LIG1: variants seen among roughly 807,000 people sequenced by gnomAD.
LIG1 encodes DNA ligase 1, also known as ligase I, DNA, ATP-dependent.
A neutral mutation model predicts 115.7 loss-of-function variants in LIG1; 70 were observed. That is an observed-to-expected ratio of 0.60 (90% CI 0.50 to 0.74). The LOEUF (loss-of-function observed/expected upper bound fraction) is 0.74, where lower values mean the gene tolerates loss of function less well. LIG1 is among the 30% of genes least tolerant of loss of function. LIG1 has a pLI of 0.00. For synonymous variants in LIG1, 487 were observed against 495.3 expected, an observed-to-expected ratio of 0.98 and a Z score of 0.22; for missense variants, 1,115 against 1,225.6, an observed-to-expected ratio of 0.91 and a Z score of 1.35.
intron 19 of LIG1, among the ~76,000 whole-genome samples, chr19:48,128,243 G>A (rs1473929602): frequency 6.6e-6 from 1 of 151,944 alleles, no homozygotes; most frequent in African/African-American, 2.4e-5. Context: ...AAACCTAGGA[G>A]CTCTTGTCAT....
intron 20 of LIG1, 87 bp from the exon 21 acceptor site, chr19:48,127,435 T>A: frequency 8.4e-7 from 1 of 1,188,486 alleles, no homozygotes; most frequent in Non-Finnish European, 1.2e-6. Context: ...TCTACCGGTC[T>A]CCCTCTCGCC....
At chr19:48,142,442 C>CCAAAAAAAAAAAAAAAAA (rs2034824624) in intron 11 of LIG1, among the ~76,000 whole-genome samples, 1 of 75,604 alleles carries the variant, frequency 1.3e-5, no homozygotes, top group African/African-American at 4.9e-5. Context: ...GACTCCATCT[C>CCAAAAAAAAAAAAAAAAA]AAAAAAAAAA....
At chr19:48,121,905 T>G (rs2033309714) in intron 23 of LIG1, among the ~76,000 whole-genome samples, 1 of 152,210 alleles carries the variant, frequency 6.6e-6, no homozygotes, top group South Asian at 2.1e-4. Context: ...GACAGAGACG[T>G]GGCCAACTCA....
intron 17 of LIG1, 198 bp from the exon 18 acceptor site, chr19:48,133,295 G>T (rs905776056): frequency 3.3e-6 from 2 of 597,866 alleles, no homozygotes; most frequent in African/African-American, 1.9e-5. Flanking sequence ...GGTGGGAAAG[G>T]CCATGTGATT....
intron 20 of LIG1, chr19:48,127,659 T>C: frequency 1.6e-6 from 1 of 617,116 alleles, no homozygotes; most frequent in Admixed American, 2.6e-5. Flanking sequence ...TGTGGGGTTT[T>C]CCAGAACAGA....
intron 20 of LIG1, chr19:48,127,579 A>G: frequency 1.6e-6 from 1 of 610,808 alleles, no homozygotes; most frequent in Non-Finnish European, 2.9e-6. Flanking sequence ...ACTTTTCTGC[A>G]GCTAATGGCA....
At chr19:48,149,615 A>G (rs1345538080) in intron 9 of LIG1, 148 bp downstream of exon 9, 1 of 696,416 alleles carries the variant, frequency 1.4e-6, no homozygotes, top group African/African-American at 1.8e-5. Context: ...TGTCCCATAA[A>G]GCCTAAAATA....
intron 9 of LIG1, 135 bp from the exon 10 acceptor site, chr19:48,144,098 G>A: frequency 1.3e-6 from 1 of 770,376 alleles, no homozygotes; most frequent in East Asian, 2.5e-5. Context: ...TTGCTAACCT[G>A]GAGCTCACAT....
chr19:48,149,023 G>A (rs1388032180), intron 9 of LIG1, among the ~76,000 whole-genome samples: 1 of 152,154 alleles, frequency 6.6e-6, no homozygotes, highest in South Asian at 2.1e-4. Context: ...AATCTGGTGA[G>A]TTCAGGCCAG....
At chr19:48,132,752 A>G (rs1049893797) in intron 18 of LIG1, among the ~76,000 whole-genome samples, 34 of 136,292 alleles carry the variant, frequency 2.5e-4, no homozygotes, top group African/African-American at 7.9e-4. Context: ...GATCATGCCA[A>G]TGCACTCCAG....
Position 48,121,197 on chromosome 19 carries a change from G to A in LIG1, c.2358C>T (p.Asp786=). Residue 786 remains aspartate (D), a synonymous_variant, in exon 24 of 28, where the codon GAC becomes GAT. Transcript: ENST00000263274. ...TGCATATGGCCTGCAGCTCCTCACT[G>A]TCCTCGTCGTAGGAGGCCAGCAGGA... ...GGFLLASYDE[D]SEELQAICKL... 6.2e-7 allele frequency: 1 copy of A among 1,614,086 alleles called. No homozygotes were observed. Among genetic ancestry groups the A allele is most frequent in the South Asian group, 1.1e-5 (1 of 91,086 alleles).
chr19:48,138,720 G>T (rs1436720790), intron 12 of LIG1, among the ~76,000 whole-genome samples: 1 of 152,212 alleles, frequency 6.6e-6, no homozygotes, highest in African/African-American at 2.4e-5. Flanking sequence ...GCCATGGATT[G>T]TTGGGCAGGA....
intron 23 of LIG1, among the ~76,000 whole-genome samples, chr19:48,121,903 C>G (rs1262178070): frequency 6.6e-6 from 1 of 152,210 alleles, no homozygotes; most frequent in Non-Finnish European, 1.5e-5. Context: ...AGGACAGAGA[C>G]GTGGCCAACT....
rs764267948 is a variant in LIG1 at position 48,123,198 on chromosome 19, C to T, written c.2125G>A (p.Glu709Lys). ...LDTKDIEQIA[E>K]FLEQSVKDSC... ...CCTTTCACTGACTGCTCCAGGAACT[C>T]GGCGATCTGCTCGATGTCCTTGGTG... Residue 709 changes from glutamate (E) to lysine (K), a missense_variant, in exon 22 of 28, where the codon GAG becomes AAG. Physicochemically the swap from Glu to Lys is moderately conservative, Grantham distance 56. Coordinates refer to ENST00000263274, the MANE Select transcript of LIG1 (RefSeq NM_000234.3). 5.0e-6 allele frequency: 8 copies of T among 1,614,074 alleles called. No homozygotes were observed. The highest frequency in any genetic ancestry group is 6.8e-6 in the Non-Finnish European group (8 of 1,180,004).
At chr19:48,140,295 C>T (rs1336529338) in intron 11 of LIG1, 152 bp from the exon 12 acceptor site, 2 of 624,280 alleles carry the variant, frequency 3.2e-6, no homozygotes, top group African/African-American at 1.8e-5. Flanking sequence ...GGCCTGGAGC[C>T]ATGAGGACAA....
At chr19:48,131,609 C>T (rs981791259) in intron 18 of LIG1, among the ~76,000 whole-genome samples, 1 of 152,152 alleles carries the variant, frequency 6.6e-6, no homozygotes, top group Non-Finnish European at 1.5e-5. Context: ...CAGGCGCCCA[C>T]CACCACACCT....
At chr19:48,138,963 C>A (rs1362101041) in intron 12 of LIG1, among the ~76,000 whole-genome samples, 1 of 152,198 alleles carries the variant, frequency 6.6e-6, no homozygotes, top group Non-Finnish European at 1.5e-5. Context: ...TGATCCAAGT[C>A]AACCTTTCTC....
In LIG1 at chr19:48,140,118, T is replaced by C; in HGVS notation, c.940A>G (p.Asn314Asp). 1 of 1,613,458 alleles carries C rather than the reference T, an allele frequency of 6.2e-7. No individual in the cohort carries two copies. The highest frequency in any genetic ancestry group is 8.5e-7 in the Non-Finnish European group (1 of 1,179,950). The part of the protein sequence containing the change: ...ARLRMVETLS[N>D]LLRSVVALSP... ...AGGGCCACCACGGAGCGCAGCAAGTTGCTCAGCGTCTCCACCATCCGGAGC... is the reference window on the plus strand; with the variant it reads ...AGGGCCACCACGGAGCGCAGCAAGTCGCTCAGCGTCTCCACCATCCGGAGC... Residue 314 changes from asparagine to aspartate, a missense_variant, in exon 12 of 28, where the codon AAC becomes GAC. Coordinates refer to ENST00000263274, the MANE Select transcript of LIG1 (RefSeq NM_000234.3).
chr19:48,150,214 C>A lies in LIG1; in HGVS notation c.575-4G>T. On this transcript the variant is annotated splice_region_variant and splice_polypyrimidine_tract_variant and intron_variant, in intron 7 of 27. Coordinates refer to ENST00000263274, the MANE Select transcript of LIG1 (RefSeq NM_000234.3). ...CTTTCCGTCGGGGTCTCTGCTTCTG[C>A]GGTGAGAGAGCTCAGACGGTGATGC... The A allele has an allele frequency of 1.2e-6, 2 of 1,614,114 alleles. No homozygotes were observed. The highest frequency in any genetic ancestry group is 1.7e-6 in the Non-Finnish European group (2 of 1,180,028).
Sources: allele counts gnomAD v4.1 joint callset (sites outside exome capture counted in the v4.1 genomes callset), GRCh38; gene constraint gnomAD v4.1.1; transcripts MANE v1.5; gene names NCBI Gene and HGNC (gene_info 2026-07-23, HGNC 2026-07-21).